GRK4: variants seen among roughly 807,000 people sequenced by gnomAD.
The protein encoded by GRK4 is G protein-coupled receptor kinase 4, also known as G protein-coupled receptor kinase 2-like.
GRK4 carries 73 observed loss-of-function variants against 77.9 expected under a neutral mutation model. The observed-to-expected ratio is 0.94, with a 90% CI of 0.78 to 1.14. GRK4 has a LOEUF of 1.14. Ranked by LOEUF, GRK4 falls within the 50% of genes most tolerant of loss-of-function variation. The pLI, the probability that GRK4 is intolerant of heterozygous loss-of-function variation, is 0.00. For missense variants in GRK4, 729 were observed against 700.2 expected, an observed-to-expected ratio of 1.04 and a Z score of -0.46; for synonymous variants, 257 against 254.4, an observed-to-expected ratio of 1.01 and a Z score of -0.10.
rs778319834 is a variant in GRK4 at position 3,013,680 on chromosome 4, T to C, written c.601-8T>C. Reference sequence around the variant, plus strand: ...CATAAACCTCCTTTATTTTGCTGTTTAAACTAGGTTTGCGCCTGTCAAGTG... The same window carrying C: ...CATAAACCTCCTTTATTTTGCTGTTCAAACTAGGTTTGCGCCTGTCAAGTG... On this transcript the variant is annotated splice_region_variant and splice_polypyrimidine_tract_variant and intron_variant, in intron 7 of 15. Coordinates refer to ENST00000398052, the MANE Select transcript of GRK4 (RefSeq NM_182982.3). 1.9e-6 allele frequency: 3 copies of C among 1,599,792 alleles called. No homozygotes were observed. The highest frequency in any genetic ancestry group is 2.6e-6 in the Non-Finnish European group (3 of 1,176,038).
At chr4:3,023,776 G>A (rs966575897) in intron 10 of GRK4, among the ~76,000 whole-genome samples, 7 of 152,210 alleles carry the variant, frequency 4.6e-5, no homozygotes, top group South Asian at 4.1e-4. Context: ...TAGGTAGAAC[G>A]TGCTCTGTAT....
In GRK4 at chr4:2,964,140, GC is replaced by G; in HGVS notation, c.52+23del. On this transcript the variant is annotated intron_variant, in intron 1 of 15. Transcript: ENST00000398052. ...GCGTCAAGGTGGGTGCGCGGCAGGC[GC>G]CCCCGACCCCCCCCCCAGAGAACCC... 2.6e-6 allele frequency: 4 copies of G among 1,563,112 alleles called. No individual in the cohort carries two copies. Among genetic ancestry groups the G allele is most frequent in the South Asian group, 2.3e-5 (2 of 86,902 alleles).
intron 1 of GRK4, among the ~76,000 whole-genome samples, chr4:2,979,403 CAAAAAAAAA>C (rs144374548): frequency 5.1e-5 from 3 of 59,194 alleles, no homozygotes; most frequent in African/African-American, 6.9e-5. Context: ...GACTCTGTCT[CAAAAAAAAA>C]AAAAAAAAAA....
At chr4:2,999,452 G>A (rs57551202) in intron 4 of GRK4, among the ~76,000 whole-genome samples, 1 of 152,040 alleles carries the variant, frequency 6.6e-6, no homozygotes. Context: ...TGAACTTTGG[G>A]GCACACATCC....
intron 3 of GRK4, among the ~76,000 whole-genome samples, chr4:2,990,776 C>A (rs907339968): frequency 6.6e-6 from 1 of 152,138 alleles, no homozygotes; most frequent in Admixed American, 6.5e-5. Flanking sequence ...TGTCATGATA[C>A]CTGTCGTTAT....
At position 3,040,632 on chromosome 4, in the gene GRK4, C is replaced by G. The variant is rs373257813; in HGVS notation, c.*7C>G. 9.3e-6 allele frequency: 15 copies of G among 1,609,092 alleles called. No individual in the cohort carries two copies. Among genetic ancestry groups the G allele is most frequent in the African/African-American group, 1.3e-5 (1 of 74,886 alleles). On this transcript the variant is annotated 3_prime_UTR_variant, in exon 16 of 16. Coordinates refer to ENST00000398052, the MANE Select transcript of GRK4 (RefSeq NM_182982.3). ...GGAACCCAAGCAATGCTGAGCACCC[C>G]GGTGCGGACCACAGAGCAGACCCTG...
At chr4:3,032,289 T>C (rs1420486807) in intron 12 of GRK4, among the ~76,000 whole-genome samples, 2 of 150,120 alleles carry the variant, frequency 1.3e-5, no homozygotes, top group African/African-American at 4.9e-5. Context: ...GAGACCAGCC[T>C]GGCCAAGATG....
intron 2 of GRK4, among the ~76,000 whole-genome samples, chr4:2,985,479 G>A (rs1724038850): frequency 1.3e-5 from 2 of 151,934 alleles, no homozygotes; most frequent in African/African-American, 4.8e-5. Flanking sequence ...GCTGAGGCAG[G>A]AGGATCCCTT....
rs2109823631 is a variant in GRK4 at position 3,004,230 on chromosome 4, G to A, written c.340-1G>A. 6.2e-7 allele frequency: 1 copy of A among 1,607,798 alleles called. No homozygotes were observed. Reference sequence around the variant, plus strand: ...ATGTATTTGGTTTGTACTGTATTAAGTTGGCAGCCCCTTTACCAGAAATAC... The same window carrying A: ...ATGTATTTGGTTTGTACTGTATTAAATTGGCAGCCCCTTTACCAGAAATAC... On this transcript the variant is annotated splice_acceptor_variant, in intron 4 of 15. Transcript: ENST00000398052. LOFTEE classifies it high-confidence loss of function.
At chr4:3,010,118 A>T (rs181653490) in intron 7 of GRK4, among the ~76,000 whole-genome samples, 1 of 152,326 alleles carries the variant, frequency 6.6e-6, no homozygotes, top group East Asian at 1.9e-4. Context: ...CTGTTTGGAC[A>T]CGTATGTACC....
At chr4:2,997,770 T>C (rs1327521641) in intron 4 of GRK4, among the ~76,000 whole-genome samples, 1 of 151,882 alleles carries the variant, frequency 6.6e-6, no homozygotes, top group Non-Finnish European at 1.5e-5. Flanking sequence ...TAGCCGGCCA[T>C]GGTGGTGCAC....
At chr4:3,020,925 G>T (rs1560474197) in intron 9 of GRK4, among the ~76,000 whole-genome samples, 1 of 152,170 alleles carries the variant, frequency 6.6e-6, no homozygotes, top group Admixed American at 6.5e-5. Context: ...TTTACATTGT[G>T]TCCGGTAGTA....
chr4:2,996,597 C>T (rs1208029654), intron 4 of GRK4, among the ~76,000 whole-genome samples: 1 of 152,034 alleles, frequency 6.6e-6, no homozygotes, highest in African/African-American at 2.4e-5. Flanking sequence ...CCTCCCAATA[C>T]TGTCACAGTG....
intron 15 of GRK4, among the ~76,000 whole-genome samples, chr4:3,039,848 C>G (rs1328836371): frequency 2.0e-5 from 3 of 152,070 alleles, no homozygotes; most frequent in Admixed American, 2.0e-4. Context: ...GTGTAGCCAG[C>G]CCTGCATGGA....
chr4:3,030,736 G>A (rs1738920831), intron 12 of GRK4, among the ~76,000 whole-genome samples: 1 of 152,040 alleles, frequency 6.6e-6, no homozygotes, highest in Non-Finnish European at 1.5e-5. Flanking sequence ...AGAGCAGGAG[G>A]GGGTTAGAGG....
Position 3,019,712 on chromosome 4 carries a change from T to A in GRK4, c.813T>A (p.Asp271Glu). ...CLVLTIMNGG[D>E]LKFHIYNLGN... Reference sequence around the variant, plus strand: ...TGCTCACCATTATGAATGGAGGGGATTTGAAGTTTCACATTTACAACCTGG... The same window carrying A: ...TGCTCACCATTATGAATGGAGGGGAATTGAAGTTTCACATTTACAACCTGG... The change falls in exon 9 of 16, where the codon GAT (aspartate) becomes GAA (glutamate). Residue 271 changes from aspartate (D) to glutamate (E), a missense_variant. Asp to Glu is a conservative substitution (Grantham distance 45, BLOSUM62 2). Transcript: ENST00000398052. 1 of 1,614,198 alleles carries A rather than the reference T, an allele frequency of 6.2e-7. No homozygotes were observed. Among genetic ancestry groups the A allele is most frequent in the Non-Finnish European group, 8.5e-7 (1 of 1,180,020 alleles).
intron 9 of GRK4, among the ~76,000 whole-genome samples, chr4:3,020,131 G>A (rs964375498): frequency 5.9e-5 from 9 of 152,092 alleles, no homozygotes; most frequent in African/African-American, 2.2e-4. Flanking sequence ...AGACTCCCAA[G>A]TAGCTGGGAC....
chr4:2,990,810 G>C (rs999010972), intron 3 of GRK4, among the ~76,000 whole-genome samples: 1 of 152,192 alleles, frequency 6.6e-6, no homozygotes, highest in Non-Finnish European at 1.5e-5. Flanking sequence ...TGTGACTGCA[G>C]TTACAGGTTA....
intron 7 of GRK4, among the ~76,000 whole-genome samples, chr4:3,013,420 G>A (rs1393841214): frequency 6.6e-6 from 1 of 152,098 alleles, no homozygotes; most frequent in Non-Finnish European, 1.5e-5. Flanking sequence ...ATACACATAT[G>A]GGGACATTTA....
Sources: allele counts gnomAD v4.1 joint callset (sites outside exome capture counted in the v4.1 genomes callset), GRCh38; gene constraint gnomAD v4.1.1; transcripts MANE v1.5; gene names NCBI Gene and HGNC (gene_info 2026-07-23, HGNC 2026-07-21).